Variants in TRPV4 observed in about 807,000 individuals in gnomAD.
The protein encoded by TRPV4 is transient receptor potential cation channel subfamily V member 4.
Under a neutral mutation model 84.1 loss-of-function variants are expected in TRPV4, and 58 were observed. The ratio of observed to expected loss-of-function variants is 0.69; its 90% CI spans 0.56 to 0.86. The LOEUF is 0.86. TRPV4 is among the 40% of genes least tolerant of loss of function. The pLI is 0.00. For missense variants in TRPV4, 879 were observed against 1,181.1 expected, an observed-to-expected ratio of 0.74 and a Z score of 3.75; for synonymous variants, 489 against 500.9, an observed-to-expected ratio of 0.98 and a Z score of 0.32.
Position 109,784,449 on chromosome 12 carries a change from C to A in TRPV4, c.2337-12G>T. 6.2e-7 allele frequency: 1 copy of A among 1,614,088 alleles called. No homozygotes were observed. Reference sequence around the variant, plus strand: ...TCACCTCATCCACCCTGGCAGGGCCCAAGCAGAGGGTCATGGGGAACCCCT... The same window carrying A: ...TCACCTCATCCACCCTGGCAGGGCCAAAGCAGAGGGTCATGGGGAACCCCT... On this transcript the variant is annotated splice_polypyrimidine_tract_variant and intron_variant, in intron 14 of 15. Transcript: ENST00000261740.
At chr12:109,822,985 G>C (rs1326181910) in intron 1 of TRPV4, among the ~76,000 whole-genome samples, 1 of 152,220 alleles carries the variant, frequency 6.6e-6, no homozygotes, top group African/African-American at 2.4e-5. Context: ...GACTCCTAGA[G>C]AAGGCAGAGC....
At position 109,786,799 on chromosome 12, in the gene TRPV4, G is replaced by A. The variant is rs141135321; in HGVS notation, c.2247C>T (p.Pro749=). The change falls in exon 14 of 16, where the codon CCC becomes CCT. Residue 749 remains proline, a synonymous_variant. Coordinates refer to ENST00000261740, the MANE Select transcript of TRPV4 (RefSeq NM_021625.5). The surrounding 1 kb of genome is among the most constrained non-coding windows in gnomAD (Gnocchi z 4.5). ...TTILDIERSF[P]VFLRKAFRSG... ...AGCGGAAGGCCTTCCTCAGGAATAC[G>A]GGGAAGGAGCGCTCAATGTCCAGGA... 5.3e-5 allele frequency: 86 copies of A among 1,614,044 alleles called. No homozygotes were observed. The highest frequency in any genetic ancestry group is 1.6e-4 in the Middle Eastern group (1 of 6,062).
intron 1 of TRPV4, among the ~76,000 whole-genome samples, chr12:109,819,388 T>C (rs887090021): frequency 6.6e-6 from 1 of 152,170 alleles, no homozygotes; most frequent in Non-Finnish European, 1.5e-5. Context: ...TGAGCAGGCA[T>C]GGTGGGCCCT....
chr12:109,808,213 C>G, intron 3 of TRPV4, 83 bp downstream of exon 3: 2 of 1,515,376 alleles, frequency 1.3e-6, no homozygotes, highest in Non-Finnish European at 1.8e-6. Flanking sequence ...AAGAAAGAAG[C>G]TGAGGGGAAA....
intron 1 of TRPV4, among the ~76,000 whole-genome samples, chr12:109,829,209 A>G (rs146463798): frequency 2.0e-5 from 3 of 152,210 alleles, no homozygotes; most frequent in African/African-American, 7.2e-5. Context: ...AACAACAGGC[A>G]ATAGATGCTG....
chr12:109,802,797 A>G (rs577242370), intron 4 of TRPV4, among the ~76,000 whole-genome samples, 194 bp downstream of exon 4: 4 of 152,044 alleles, frequency 2.6e-5, no homozygotes, highest in Non-Finnish European at 4.4e-5. Flanking sequence ...TGGAAGGGGT[A>G]GTTACCGTTC....
chr12:109,830,433 T>C (rs1041557125), intron 1 of TRPV4, among the ~76,000 whole-genome samples: 3 of 152,250 alleles, frequency 2.0e-5, no homozygotes, highest in African/African-American at 7.2e-5. Flanking sequence ...ATCATAATAG[T>C]TGTTAATGCA....
At position 109,815,452 on chromosome 12, in the gene TRPV4, T is replaced by C. The variant is rs571993870; in HGVS notation, c.-31-625A>G. Among the ~76,000 whole-genome samples, 1 of 152,226 alleles carries C rather than the reference T, an allele frequency of 6.6e-6. No homozygotes were observed. The highest frequency in any genetic ancestry group is 2.4e-5 in the African/African-American group (1 of 41,468). Reference sequence around the variant, plus strand: ...TTTTCCTCATCAAACACTGTCATGATGAACCCATTTTACAGAACAGGAAAC... The same window carrying C: ...TTTTCCTCATCAAACACTGTCATGACGAACCCATTTTACAGAACAGGAAAC... On this transcript the variant is annotated intron_variant, in intron 1 of 15. Coordinates refer to ENST00000261740, the MANE Select transcript of TRPV4 (RefSeq NM_021625.5). This position sits in a 1 kb window ranked among gnomAD's most constrained non-coding sequence, Gnocchi z 4.1.
chr12:109,791,895 G>A (rs1466023691), intron 12 of TRPV4, among the ~76,000 whole-genome samples: 2 of 151,912 alleles, frequency 1.3e-5, no homozygotes, highest in Admixed American at 1.3e-4. Context: ...TTGTTGGGAG[G>A]CAAGGATGGA....
chr12:109,794,248 A>G, intron 8 of TRPV4, 81 bp downstream of exon 8: 2 of 1,560,774 alleles, frequency 1.3e-6, no homozygotes, highest in Non-Finnish European at 1.8e-6. Context: ...CAGGGGACCC[A>G]GAAGGATGAG....
chr12:109,820,805 G>C (rs1892070714), intron 1 of TRPV4, among the ~76,000 whole-genome samples: 1 of 152,100 alleles, frequency 6.6e-6, no homozygotes, highest in South Asian at 2.1e-4. Context: ...TTATAGGCGT[G>C]AGCCACTACG....
chr12:109,802,615 T>TTTA (rs1555208543), intron 4 of TRPV4, among the ~76,000 whole-genome samples: 4 of 73,312 alleles, frequency 5.5e-5, no homozygotes, highest in African/African-American at 1.5e-4. Context: ...TTTTATTTTA[T>TTTA]TTTTTTTTTT....
At chr12:109,821,302 A>C (rs1380150519) in intron 1 of TRPV4, among the ~76,000 whole-genome samples, 2 of 152,154 alleles carry the variant, frequency 1.3e-5, no homozygotes, top group Non-Finnish European at 2.9e-5. Context: ...ACCTCAGAGA[A>C]CTCGCAGTCC....
chr12:109,786,679 T>G lies in TRPV4; in HGVS notation c.2336+31A>C. The G allele has an allele frequency of 6.2e-7, 1 of 1,612,914 alleles. No individual in the cohort carries two copies. Among genetic ancestry groups the G allele is most frequent in the Non-Finnish European group, 8.5e-7 (1 of 1,179,904 alleles). ...CGAGCCAGTGGGGACAGTTCCGCCC[T>G]GCCATCCTGGCCCCACTGCCCCAGC... On this transcript the variant is annotated intron_variant, in intron 14 of 15. Coordinates refer to ENST00000261740, the MANE Select transcript of TRPV4 (RefSeq NM_021625.5). The surrounding 1 kb of genome is among the most constrained non-coding windows in gnomAD (Gnocchi z 4.5).
intron 2 of TRPV4, among the ~76,000 whole-genome samples, chr12:109,813,880 A>G (rs564323183): frequency 6.6e-6 from 1 of 151,908 alleles, no homozygotes; most frequent in East Asian, 1.9e-4. Flanking sequence ...AGATGGATAG[A>G]TGGATGGATA....
intron 7 of TRPV4, 119 bp from the exon 8 acceptor site, chr12:109,794,606 A>G: frequency 1.9e-6 from 2 of 1,073,970 alleles, no homozygotes; most frequent in East Asian, 4.7e-5. Context: ...CTTTCCATCC[A>G]TTCCTCAGCT....
Position 109,815,174 on chromosome 12 carries a change from C to T in TRPV4, c.-31-347G>A, listed in dbSNP as rs866337583. Reference sequence around the variant, plus strand: ...AGCCAGCTTTGGAGCCCCAGAGAGCCAAGTTCAAATCCAGGCTCCACACTT... The same window carrying T: ...AGCCAGCTTTGGAGCCCCAGAGAGCTAAGTTCAAATCCAGGCTCCACACTT... On this transcript the variant is annotated intron_variant, in intron 1 of 15. Transcript: ENST00000261740. The surrounding 1 kb of genome is among the most constrained non-coding windows in gnomAD (Gnocchi z 4.1). 3.9e-5 allele frequency among the ~76,000 whole-genome samples: 6 copies of T among 152,338 alleles called. No individual in the cohort carries two copies. The highest frequency in any genetic ancestry group is 2.1e-4 in the South Asian group (1 of 4,830).
At position 109,783,394 on chromosome 12, in the gene TRPV4, T is replaced by C. The variant is rs1889456342; in HGVS notation, c.*227A>G. The C allele has an allele frequency of 7.5e-6, 4 of 536,360 alleles. No homozygotes were observed. Among genetic ancestry groups the C allele is most frequent in the Non-Finnish European group, 1.3e-5 (4 of 306,534 alleles). 33.2% of individuals were successfully genotyped at this position (536,360 alleles called of 1,614,324 possible). On this transcript the variant is annotated 3_prime_UTR_variant, in exon 16 of 16. Transcript: ENST00000261740. The surrounding 1 kb of genome is among the most constrained non-coding windows in gnomAD (Gnocchi z 4.6). ...GCCTGAGGTGGAGGGGCTCTGGCGT[T>C]GGCTTATGTGACTCCATAGGAGCAA... is the stretch of plus-strand genomic sequence containing the variant.
At chr12:109,794,974 C>T (rs1057411165) in intron 7 of TRPV4, among the ~76,000 whole-genome samples, 22 of 152,162 alleles carry the variant, frequency 1.4e-4, no homozygotes, top group African/African-American at 4.8e-4. Flanking sequence ...GCCTAGATCG[C>T]ACTACTGCAC....
Sources: gnomAD v4.1 joint callset for allele counts (sites outside exome capture counted in the v4.1 genomes callset) on GRCh38, gnomAD v4.1.1 for gene constraint, Gnocchi (gnomAD v3.1) non-coding constraint, MANE v1.5 for transcripts, NCBI Gene and HGNC (gene_info 2026-07-23, HGNC 2026-07-21) for gene names.